The following DPYD variants were observed in gnomAD, a reference collection of about 807,000 sequenced individuals.
DPYD encodes dihydropyrimidine dehydrogenase [NADP(+)].
A neutral mutation model predicts 116.2 loss-of-function variants in DPYD; 109 were observed. The observed-to-expected ratio is 0.94, with a 90% confidence interval of 0.80 to 1.10. DPYD has a LOEUF of 1.10. Ranked by LOEUF, DPYD falls within the 50% of genes least tolerant of loss-of-function variation. The pLI, the probability that DPYD is intolerant of heterozygous loss-of-function variation, is 0.00. For missense variants in DPYD, 1,302 were observed against 1,254.5 expected (o/e 1.04, Z -0.57); for synonymous variants, 440 against 432.0 (o/e 1.02, Z -0.23).
intron 19 of DPYD, among the ~76,000 whole-genome samples, chr1:97,197,310 C>T (rs547445461): frequency 6.6e-6 from 1 of 152,178 alleles, no homozygotes; most frequent in Admixed American, 6.5e-5. Context: ...TAAAAGTCAA[C>T]TGATGCTTTA....
At chr1:97,261,426 G>A (rs1321387280) in intron 18 of DPYD, among the ~76,000 whole-genome samples, 1 of 150,024 alleles carries the variant, frequency 6.7e-6, no homozygotes, top group Non-Finnish European at 1.5e-5. Context: ...TAAGTATCAA[G>A]TGACACTTGC....
intron 19 of DPYD, among the ~76,000 whole-genome samples, chr1:97,231,508 G>A (rs1161125283): frequency 1.3e-5 from 2 of 152,082 alleles, no homozygotes; most frequent in African/African-American, 4.8e-5. Flanking sequence ...CATGTGCAGG[G>A]GAACTCCCCT....
At chr1:97,851,213 A>G (rs963875079) in intron 2 of DPYD, among the ~76,000 whole-genome samples, 9 of 149,834 alleles carry the variant, frequency 6.0e-5, no homozygotes, top group Non-Finnish European at 1.0e-4. Flanking sequence ...CTAACAATTT[A>G]TAATTTTGGA....
intron 20 of DPYD, among the ~76,000 whole-genome samples, chr1:97,191,694 T>C (rs1658383923): frequency 1.3e-5 from 2 of 152,270 alleles, no homozygotes; most frequent in Non-Finnish European, 2.9e-5. Context: ...TCCGCTCACA[T>C]GGCAACCACC....
intron 12 of DPYD, among the ~76,000 whole-genome samples, chr1:97,544,468 C>T (rs1355923283): frequency 6.6e-6 from 1 of 152,128 alleles, no homozygotes; most frequent in African/African-American, 2.4e-5. Context: ...ATATTTCAAA[C>T]ACTATCATTC....
At chr1:97,240,396 TA>T (rs1662253497) in intron 18 of DPYD, among the ~76,000 whole-genome samples, 1 of 152,004 alleles carries the variant, frequency 6.6e-6, no homozygotes, top group Non-Finnish European at 1.5e-5. Flanking sequence ...GAACATATGC[TA>T]AATAACTGGA....
At chr1:97,398,564 A>G (rs953383340) in intron 14 of DPYD, among the ~76,000 whole-genome samples, 2 of 152,170 alleles carry the variant, frequency 1.3e-5, no homozygotes, top group African/African-American at 4.8e-5. Context: ...TCCCACCAAC[A>G]GTGTAATAGT....
chr1:97,280,013 C>A (rs1665206261), intron 18 of DPYD: 1 of 152,046 alleles, frequency 6.6e-6, no homozygotes, highest in African/African-American at 2.4e-5. Context: ...TTGTTTATCC[C>A]CAGAGAAAAG....
intron 14 of DPYD, among the ~76,000 whole-genome samples, chr1:97,435,148 A>C (rs1370685559): frequency 6.6e-6 from 1 of 151,928 alleles, no homozygotes; most frequent in Non-Finnish European, 1.5e-5. Flanking sequence ...CTTTTTAAAA[A>C]ATTGTACCTT....
intron 16 of DPYD, among the ~76,000 whole-genome samples, chr1:97,314,490 CTTTTTTT>C (rs66629750): frequency 8.1e-6 from 1 of 123,414 alleles, no homozygotes; most frequent in African/African-American, 3.0e-5. Flanking sequence ...CTAAAGCTTT[CTTTTTTT>C]TTTTTTTTTT....
At chr1:97,785,498 A>G (rs1049682015) in intron 3 of DPYD, among the ~76,000 whole-genome samples, 1 of 152,104 alleles carries the variant, frequency 6.6e-6, no homozygotes, top group African/African-American at 2.4e-5. Context: ...GAAGCTTTCA[A>G]CAGGCAATGA....
intron 20 of DPYD, among the ~76,000 whole-genome samples, chr1:97,164,191 A>T (rs532735300): frequency 6.6e-6 from 1 of 152,210 alleles, no homozygotes; most frequent in Admixed American, 6.5e-5. Flanking sequence ...GATTATCTCA[A>T]TAGATGCAGA....
In DPYD at chr1:97,594,745, GCC is replaced by G. The variant is rs138016530; in HGVS notation, c.958+312_958+313del. Among the ~76,000 whole-genome samples, 99 of 152,170 alleles carry G rather than the reference GCC, an allele frequency of 6.5e-4. 1 individual carries two copies. The East Asian group carries it at 0.018, about 28-fold the overall frequency. On this transcript the variant is annotated intron_variant, in intron 9 of 22. Transcript: ENST00000370192. ...TCATATAAGATATGTGACGATTCAT[GCC>G]ATTTCTTTGAAAAACATCTTCCAAT...
intron 13 of DPYD, among the ~76,000 whole-genome samples, chr1:97,470,348 C>T (rs570223886): frequency 6.6e-6 from 1 of 151,738 alleles, no homozygotes; most frequent in South Asian, 2.1e-4. Context: ...TTGACACAGC[C>T]ATTAAATAAG....
chr1:97,154,642 T>C (rs1483233748), intron 20 of DPYD, among the ~76,000 whole-genome samples: 1 of 150,982 alleles, frequency 6.6e-6, no homozygotes, highest in Non-Finnish European at 1.5e-5. Context: ...TACTGAGGGG[T>C]TGATGTTGCA....
intron 16 of DPYD, among the ~76,000 whole-genome samples, chr1:97,321,942 G>A (rs1430046679): frequency 9.9e-5 from 4 of 40,430 alleles, no homozygotes; most frequent in Admixed American, 3.9e-4. Context: ...TAGGGACATG[G>A]ATGAAATTGG....
Position 97,161,782 on chromosome 1 carries a change from T to C in DPYD, c.2622+31287A>G, listed in dbSNP as rs1487794523. Among the ~76,000 whole-genome samples the C allele has an allele frequency of 2.1e-5, 3 of 139,812 alleles. No individual in the cohort carries two copies. In the East Asian group the frequency reaches 6.7e-4, roughly 31 times the overall value. 91.7% of individuals were successfully genotyped at this position (139,812 alleles called of 152,430 possible). ...TTCCCCTTCCTGTGTCCATGTGTTCTCATTGTTCAATTCCCACCTATGAGT... is the reference window on the plus strand; with the variant it reads ...TTCCCCTTCCTGTGTCCATGTGTTCCCATTGTTCAATTCCCACCTATGAGT... On this transcript the variant is annotated intron_variant, in intron 20 of 22. Coordinates refer to ENST00000370192, the MANE Select transcript of DPYD (RefSeq NM_000110.4).
At chr1:97,721,045 G>A in intron 5 of DPYD, 1 of 1,356,386 alleles carries the variant, frequency 7.4e-7, no homozygotes, top group Non-Finnish European at 1.0e-6. Flanking sequence ...TATTAATGTG[G>A]TTAAATAACA....
intron 18 of DPYD, among the ~76,000 whole-genome samples, chr1:97,270,935 C>G (rs1017344859): frequency 4.6e-5 from 7 of 152,076 alleles, no homozygotes; most frequent in African/African-American, 7.2e-5. Flanking sequence ...AAAAAATGAC[C>G]AAGAGGACAT....
Sources: gnomAD v4.1 joint callset for allele counts (sites outside exome capture counted in the v4.1 genomes callset) on GRCh38, gnomAD v4.1.1 for gene constraint, MANE v1.5 for transcripts, NCBI Gene and HGNC (gene_info 2026-07-23, HGNC 2026-07-21) for gene names.